MTUS2: variants seen among roughly 807,000 people sequenced by gnomAD.
The protein encoded by MTUS2 is microtubule associated scaffold protein 2.
Under a neutral mutation model 114.1 loss-of-function variants are expected in MTUS2, and 40 were observed. The observed-to-expected ratio is 0.35, with a 90% CI of 0.27 to 0.46. MTUS2 has a LOEUF of 0.46. Among genes scored for constraint, MTUS2 ranks in the 20% least tolerant of loss-of-function variants. MTUS2 has a pLI of 1.00. For missense variants in MTUS2, 1,679 were observed against 1,705.4 expected (o/e 0.98, Z 0.27); for synonymous variants, 688 against 672.0 (o/e 1.02, Z -0.37).
chr13:29,376,010 TG>T, intron 8 of MTUS2, among the ~76,000 whole-genome samples: 1 of 90,446 alleles, frequency 1.1e-5, no homozygotes, highest in East Asian at 3.4e-4. Context: ...TGTGTGTGTG[TG>T]TGTATGTATG....
chr13:29,069,357 T>C (rs1888804227), intron 4 of MTUS2, among the ~76,000 whole-genome samples: 1 of 152,150 alleles, frequency 6.6e-6, no homozygotes, highest in African/African-American at 2.4e-5. Context: ...CAGGAAAAGA[T>C]TGATGTCCTA....
intron 5 of MTUS2, among the ~76,000 whole-genome samples, chr13:29,238,817 C>T (rs1212214505): frequency 1.3e-5 from 2 of 152,118 alleles, no homozygotes; most frequent in South Asian, 2.1e-4. Flanking sequence ...GTGGATGAAC[C>T]TGGATTACAT....
rs977727464 is a variant in MTUS2, at chr13:29,360,693, C to G, written c.3117+1220C>G. Among the ~76,000 whole-genome samples, 73 of 137,776 alleles carry G rather than the reference C, an allele frequency of 5.3e-4. 5 individuals carry two copies. The highest frequency in any genetic ancestry group is 7.2e-4 in the Admixed American group (10 of 13,868). 90.4% of individuals were successfully genotyped at this position (137,776 alleles called of 152,430 possible). On this transcript the variant is annotated intron_variant, in intron 8 of 15. Transcript: ENST00000612955. ...CTTGCATAAAGTAGCCGAACACCCCCCCCCCCCCGTAAGAATTAAAGTTAC... is the reference window on the plus strand; with the variant it reads ...CTTGCATAAAGTAGCCGAACACCCCGCCCCCCCCGTAAGAATTAAAGTTAC...
At chr13:28,938,880 AAC>A (rs1234884204) in intron 2 of MTUS2, among the ~76,000 whole-genome samples, 2 of 152,178 alleles carry the variant, frequency 1.3e-5, no homozygotes, top group African/African-American at 2.4e-5. Flanking sequence ...CATAAAAGTG[AAC>A]ATCGTTTAAT....
chr13:28,876,962 C>T (rs1051735607), intron 2 of MTUS2, among the ~76,000 whole-genome samples: 8 of 151,950 alleles, frequency 5.3e-5, no homozygotes, highest in Admixed American at 2.6e-4. Context: ...AACATTTATA[C>T]GTTGCTTATT....
At chr13:29,173,090 C>T (rs932916632) in intron 5 of MTUS2, among the ~76,000 whole-genome samples, 7 of 152,040 alleles carry the variant, frequency 4.6e-5, no homozygotes, top group African/African-American at 7.2e-5. Flanking sequence ...AAAATAATTG[C>T]ACCTGCTTTT....
At chr13:28,962,880 G>A (rs756016170) in intron 2 of MTUS2, among the ~76,000 whole-genome samples, 2 of 152,096 alleles carry the variant, frequency 1.3e-5, no homozygotes, top group Non-Finnish European at 2.9e-5. Context: ...TTTGGGACTG[G>A]TGGGCCAAGC....
At chr13:28,948,987 C>T (rs1206283985) in intron 2 of MTUS2, among the ~76,000 whole-genome samples, 1 of 152,170 alleles carries the variant, frequency 6.6e-6, no homozygotes, top group Non-Finnish European at 1.5e-5. Flanking sequence ...CATCTCTGAG[C>T]TTCATTTTTT....
intron 5 of MTUS2, among the ~76,000 whole-genome samples, chr13:29,167,291 C>T (rs536014309): frequency 7.4e-4 from 112 of 151,772 alleles, no homozygotes; most frequent in African/African-American, 2.6e-3. Context: ...AGGAGAATGG[C>T]GTGAACCTGG....
Position 28,996,532 on chromosome 13 carries a change from CT to C in MTUS2, c.-242-27918del, listed in dbSNP as rs1231454253. Among the ~76,000 whole-genome samples, 3 of 151,978 alleles carry C rather than the reference CT, an allele frequency of 2.0e-5. No homozygotes were observed. The East Asian group carries it at 5.8e-4, about 29-fold the overall frequency. On this transcript the variant is annotated intron_variant, in intron 2 of 15. Coordinates refer to ENST00000612955, the MANE Select transcript of MTUS2 (RefSeq NM_001033602.4). The stretch of plus-strand genomic sequence containing the variant: ...GGCTGTGAATCCATCTGGTCCTGGA[CT>C]TTTTTTGGTTGGTAAGCTATTAATT...
At chr13:28,896,064 G>A (rs182847632) in intron 2 of MTUS2, among the ~76,000 whole-genome samples, 212 of 152,262 alleles carry the variant, frequency 1.4e-3, no homozygotes, top group African/African-American at 4.3e-3. Flanking sequence ...GTGTCTCTGG[G>A]CAGCATGTGA....
At chr13:29,007,134 T>G (rs1885635591) in intron 2 of MTUS2, among the ~76,000 whole-genome samples, 1 of 152,214 alleles carries the variant, frequency 6.6e-6, no homozygotes, top group African/African-American at 2.4e-5. Context: ...CAAGGTAGAT[T>G]TTTTTAATGG....
intron 5 of MTUS2, among the ~76,000 whole-genome samples, chr13:29,247,389 C>T (rs1896964782): frequency 6.6e-6 from 1 of 152,078 alleles, no homozygotes; most frequent in African/African-American, 2.4e-5. Flanking sequence ...GCAAATGCAA[C>T]AAAAGAAAGA....
At chr13:29,068,263 C>T (rs1888751980) in intron 4 of MTUS2, among the ~76,000 whole-genome samples, 1 of 152,172 alleles carries the variant, frequency 6.6e-6, no homozygotes, top group South Asian at 2.1e-4. Context: ...TTGGCAATGC[C>T]TGTATTTTCA....
intron 4 of MTUS2, among the ~76,000 whole-genome samples, chr13:29,050,465 C>T (rs1887840573): frequency 6.6e-6 from 1 of 152,056 alleles, no homozygotes; most frequent in African/African-American, 2.4e-5. Flanking sequence ...TTCCTTTTGT[C>T]TCCTCATATC....
At chr13:28,994,052 C>A (rs1201627563) in intron 2 of MTUS2, among the ~76,000 whole-genome samples, 1 of 152,152 alleles carries the variant, frequency 6.6e-6, no homozygotes. Context: ...TCCCTCCCCC[C>A]TCCTGCCACC....
chr13:29,034,053 T>A lies in MTUS2; in HGVS notation c.2374T>A (p.Ser792Thr). Residue 792 changes from serine to threonine, a missense_variant, in exon 4 of 16, where the codon TCT becomes ACT. This residue lies in a region of MTUS2 where 822 missense variants were observed against 899.7 expected (regional missense o/e 0.91). Coordinates refer to ENST00000612955, the MANE Select transcript of MTUS2 (RefSeq NM_001033602.4). ...CAGGATTCTGATTGCAAGTCAGAGG[T>A]CTTCAGCGAGCGCCATCCACCCACC... ...KSRILIASQRSSASAIHPPGP... is the reference protein window; with the variant it reads ...KSRILIASQRTSASAIHPPGP... 1 of 1,613,922 alleles carries A rather than the reference T, an allele frequency of 6.2e-7. No individual in the cohort carries two copies. Among genetic ancestry groups the A allele is most frequent in the Non-Finnish European group, 8.5e-7 (1 of 1,179,876 alleles).
chr13:28,902,163 T>G (rs907785896), intron 2 of MTUS2, among the ~76,000 whole-genome samples: 12 of 152,172 alleles, frequency 7.9e-5, no homozygotes, highest in East Asian at 3.8e-4. Context: ...ATGATTGATA[T>G]TTACATGTTG....
At chr13:29,177,841 C>T (rs1429905881) in intron 5 of MTUS2, among the ~76,000 whole-genome samples, 18 of 152,152 alleles carry the variant, frequency 1.2e-4, no homozygotes, top group Admixed American at 1.2e-3. Context: ...CCCTGAGCTA[C>T]ACCTTCTATG....
Sources: gnomAD v4.1 joint callset for allele counts (sites outside exome capture counted in the v4.1 genomes callset) on GRCh38, gnomAD v4.1.1 for gene constraint, gnomAD v4.1.1 regional missense constraint, MANE v1.5 for transcripts, NCBI Gene and HGNC (gene_info 2026-07-23, HGNC 2026-07-21) for gene names.